OR7E24: variants seen among roughly 807,000 people sequenced by gnomAD.
The protein encoded by OR7E24 is olfactory receptor 7E24.
For synonymous variants in OR7E24, 130 were observed against 157.5 expected (o/e 0.83, Z 1.31); for missense variants, 385 against 410.3 (o/e 0.94, Z 0.53).
At chr19:9,248,505 C>T (rs1445120427), upstream of OR7E24, among the ~76,000 whole-genome samples, 1 of 152,044 alleles carries the variant, frequency 6.6e-6, no homozygotes, top group African/African-American at 2.4e-5. Flanking sequence ...CCCTCGAATC[C>T]GTGTCACACC....
upstream of OR7E24, chr19:9,247,621 AGAC>A (rs2066134179): frequency 7.5e-6 from 3 of 398,286 alleles, no homozygotes; most frequent in South Asian, 3.9e-4. Flanking sequence ...ATGTCAGCTC[AGAC>A]GACTGTGGAG....
upstream of OR7E24, among the ~76,000 whole-genome samples, chr19:9,245,235 G>A (rs1229544915): frequency 6.6e-6 from 1 of 151,616 alleles, no homozygotes. Flanking sequence ...AAAAAAAATT[G>A]GGCAGAGGAC....
the OR7E24 span, chr19:9,212,218 A>G: frequency 6.6e-6 from 1 of 152,088 alleles, no homozygotes; most frequent in African/African-American, 2.4e-5. Context: ...TATACTTTCT[A>G]AGTTATTTTG....
the OR7E24 span, among the ~76,000 whole-genome samples, chr19:9,230,404 C>A: frequency 6.6e-6 from 1 of 152,094 alleles, no homozygotes; most frequent in African/African-American, 2.4e-5. Flanking sequence ...TTTTGTAGCC[C>A]TTGTTCTGTT....
chr19:9,230,061 T>TG, the OR7E24 span, among the ~76,000 whole-genome samples: 1 of 147,618 alleles, frequency 6.8e-6, no homozygotes, highest in African/African-American at 2.6e-5. Context: ...TTTTTTTTTT[T>TG]GAGACAGAAT....
Position 9,251,728 on chromosome 19 carries a change from A to G in OR7E24, c.685A>G (p.Ile229Val), listed in dbSNP as rs752074260. ...FMGAIFGCLP[I>V]SGILFSYYKI... Reference sequence around the variant, plus strand: ...GGGTGCCATATTTGGCTGTCTCCCTATCTCAGGGATCCTTTTCTCTTACTA... The same window carrying G: ...GGGTGCCATATTTGGCTGTCTCCCTGTCTCAGGGATCCTTTTCTCTTACTA... The change falls in exon 1 of 1, where the codon ATC becomes GTC. Residue 229 changes from isoleucine to valine, a missense_variant. By Grantham distance (29) the Ile-to-Val change is conservative. Transcript: ENST00000456448. 6.2e-6 allele frequency: 10 copies of G among 1,612,606 alleles called. No homozygotes were observed. The highest frequency in any genetic ancestry group is 2.7e-5 in the African/African-American group (2 of 74,902).
At chr19:9,214,783 C>A in the OR7E24 span, 1 of 1,613,760 alleles carries the variant, frequency 6.2e-7, no homozygotes. Flanking sequence ...TCAGGATCAT[C>A]TGAGAGTCCC....
At chr19:9,248,829 A>G (rs886948884), upstream of OR7E24, among the ~76,000 whole-genome samples, 10 of 152,208 alleles carry the variant, frequency 6.6e-5, no homozygotes, top group Non-Finnish European at 1.3e-4. Context: ...ACCTCTGGCC[A>G]TTGCTTAAAA....
the OR7E24 span, among the ~76,000 whole-genome samples, chr19:9,234,144 C>A: frequency 6.6e-6 from 1 of 152,090 alleles, no homozygotes; most frequent in African/African-American, 2.4e-5. Flanking sequence ...CCTCGTGATC[C>A]GCTCACCTCG....
upstream of OR7E24, among the ~76,000 whole-genome samples, chr19:9,245,760 G>A (rs2066127405): frequency 6.6e-6 from 1 of 152,156 alleles, no homozygotes; most frequent in African/African-American, 2.4e-5. Context: ...CTATACATTA[G>A]TTATTGAAAA....
the OR7E24 span, among the ~76,000 whole-genome samples, chr19:9,234,907 T>G: frequency 6.6e-6 from 1 of 152,308 alleles, no homozygotes; most frequent in African/African-American, 2.4e-5. Context: ...AAGAAATTAC[T>G]GTCCATAGGT....
At chr19:9,235,145 T>G in the OR7E24 span, 1 of 1,090,122 alleles carries the variant, frequency 9.2e-7, no homozygotes, top group South Asian at 1.4e-5. Context: ...AACAGCTACA[T>G]GGAAGCAGAA....
chr19:9,225,602 T>C, the OR7E24 span, among the ~76,000 whole-genome samples: 1 of 152,176 alleles, frequency 6.6e-6, no homozygotes, highest in African/African-American at 2.4e-5. Context: ...CAGAGGCTGC[T>C]GTTTGAACCA....
chr19:9,235,561 C>T, the OR7E24 span: 1 of 1,552,792 alleles, frequency 6.4e-7, no homozygotes, highest in Non-Finnish European at 8.9e-7. Context: ...AAACCCCCAT[C>T]TCTGTGGCCT....
At chr19:9,219,964 A>G in the OR7E24 span, among the ~76,000 whole-genome samples, 1 of 152,138 alleles carries the variant, frequency 6.6e-6, no homozygotes, top group African/African-American at 2.4e-5. Flanking sequence ...TCCCTTGAAG[A>G]GTCTTTGGAG....
chr19:9,233,188 A>T, the OR7E24 span, among the ~76,000 whole-genome samples: 1 of 152,196 alleles, frequency 6.6e-6, no homozygotes, highest in South Asian at 2.1e-4. Flanking sequence ...CCAACTTCCT[A>T]GACTAAATTC....
At chr19:9,223,881 T>G in the OR7E24 span, among the ~76,000 whole-genome samples, 1 of 151,946 alleles carries the variant, frequency 6.6e-6, no homozygotes, top group Admixed American at 6.6e-5. Context: ...GACTGAATCT[T>G]GCTCTGTGGC....
the OR7E24 span, chr19:9,235,025 C>A: frequency 3.7e-6 from 2 of 540,170 alleles, no homozygotes; most frequent in South Asian, 2.7e-5. Context: ...ATTAGGCTAC[C>A]AAATGGCTGA....
the OR7E24 span, among the ~76,000 whole-genome samples, chr19:9,226,479 A>G: frequency 6.6e-6 from 1 of 152,210 alleles, no homozygotes; most frequent in South Asian, 2.1e-4. Context: ...AAGGAAGGAG[A>G]AAGTAACTTG....
Sources: gnomAD v4.1 joint callset for allele counts (sites outside exome capture counted in the v4.1 genomes callset) on GRCh38, gnomAD v4.1.1 for gene constraint, MANE v1.5 for transcripts, NCBI Gene and HGNC (gene_info 2026-07-23, HGNC 2026-07-21) for gene names.